CHORDC1: variants seen among roughly 807,000 people sequenced by gnomAD.
CHORDC1 encodes cysteine and histidine-rich domain-containing protein 1.
In CHORDC1, 25 loss-of-function variants were observed where a neutral mutation model predicts 48.3. The ratio of observed to expected loss-of-function variants is 0.52; its 90% CI spans 0.38 to 0.72. The LOEUF is 0.72. CHORDC1 is among the 30% of genes least tolerant of loss of function. The pLI is 0.00. For missense variants in CHORDC1, 317 were observed against 388.7 expected, an observed-to-expected ratio of 0.82 and a Z score of 1.55; for synonymous variants, 128 against 126.4, an observed-to-expected ratio of 1.01 and a Z score of -0.09.
At chr11:90,215,363 CAT>C in intron 2 of CHORDC1, 133 bp from the exon 3 acceptor site, 1 of 475,172 alleles carries the variant, frequency 2.1e-6, no homozygotes. Flanking sequence ...TTCAGTGTTG[CAT>C]ATAATTCACC....
At chr11:90,205,066 T>A (rs950011986) in intron 8 of CHORDC1, among the ~76,000 whole-genome samples, 2 of 151,708 alleles carry the variant, frequency 1.3e-5, no homozygotes. Flanking sequence ...CTGTAAATGA[T>A]TGAAGTTTTA....
In CHORDC1 at chr11:90,202,187, C is replaced by A. The variant is rs368474747; in HGVS notation, c.*218G>T. The A allele has an allele frequency of 1.9e-6, 1 of 525,860 alleles. No individual in the cohort carries two copies. Among genetic ancestry groups the A allele is most frequent in the African/African-American group, 1.9e-5 (1 of 51,496 alleles). The allele number at this position is 525,860 out of a possible 1,614,324, so 32.6% of individuals were successfully genotyped here. ...TATAGGACACAACTATGGTTCCTACCAGTAGGGAGAAATGAATAATCAATC... is the reference window on the plus strand; with the variant it reads ...TATAGGACACAACTATGGTTCCTACAAGTAGGGAGAAATGAATAATCAATC... On this transcript the variant is annotated 3_prime_UTR_variant, in exon 11 of 11. Coordinates refer to ENST00000320585, the MANE Select transcript of CHORDC1 (RefSeq NM_012124.3).
intron 2 of CHORDC1, chr11:90,216,544 A>G: frequency 2.3e-6 from 1 of 443,940 alleles, no homozygotes; most frequent in Non-Finnish European, 4.5e-6. Flanking sequence ...TAATCTTGGA[A>G]AGTCTAGGAC....
At chr11:90,205,912 C>T (rs1857668034) in intron 7 of CHORDC1, 1 of 468,132 alleles carries the variant, frequency 2.1e-6, no homozygotes, top group African/African-American at 2.0e-5. Flanking sequence ...GACAGTCCTT[C>T]AAACAAAACA....
At chr11:90,214,210 AT>A in intron 3 of CHORDC1, 35 bp from the exon 4 acceptor site, 1 of 1,430,422 alleles carries the variant, frequency 7.0e-7, no homozygotes, top group Non-Finnish European at 9.4e-7. Flanking sequence ...AGAGCTATCT[AT>A]TTTACATTTC....
At chr11:90,203,209 C>A in intron 9 of CHORDC1, 99 bp downstream of exon 9, 1 of 1,159,352 alleles carries the variant, frequency 8.6e-7, no homozygotes, top group East Asian at 2.4e-5. Context: ...AAATCTTACC[C>A]CCAAATCAGC....
chr11:90,213,333 CCAAAA>C, intron 4 of CHORDC1: 1 of 548,860 alleles, frequency 1.8e-6, no homozygotes, highest in Non-Finnish European at 3.2e-6. Context: ...CTACTTGCAG[CCAAAA>C]AAAAAAAAAA....
At chr11:90,209,332 A>G (rs1216482605) in intron 6 of CHORDC1, 1 of 152,216 alleles carries the variant, frequency 6.6e-6, no homozygotes, top group Non-Finnish European at 1.5e-5. Flanking sequence ...TCCTGCTAAT[A>G]CAGGCAGATG....
At chr11:90,213,880 G>A in intron 4 of CHORDC1, 138 bp downstream of exon 4, 1 of 689,556 alleles carries the variant, frequency 1.5e-6, no homozygotes, top group Non-Finnish European at 2.4e-6. Flanking sequence ...GCAGATTTAA[G>A]GGAGAAACCA....
At chr11:90,205,408 A>T in intron 8 of CHORDC1, 52 bp downstream of exon 8, 2 of 1,072,924 alleles carry the variant, frequency 1.9e-6, no homozygotes, top group South Asian at 2.7e-5. Flanking sequence ...TCTTTAAAAA[A>T]TGACTCAGAT....
intron 6 of CHORDC1, chr11:90,206,875 A>G (rs746309985): frequency 2.4e-5 from 17 of 718,652 alleles, no homozygotes; most frequent in African/African-American, 9.4e-5. Context: ...TATATTTTCT[A>G]TTTTTGTATT....
chr11:90,202,606 A>AG, intron 10 of CHORDC1, 55 bp from the exon 11 acceptor site: 1 of 1,577,430 alleles, frequency 6.3e-7, no homozygotes. Flanking sequence ...TTAGTCTCAG[A>AG]GGAAAACATC....
rs1857519916 is a variant in CHORDC1 at position 90,200,485 on chromosome 11, G to C, written c.*1920C>G. The stretch of plus-strand genomic sequence containing the variant: ...TATTAACTTTTTTGACAAACCGATA[G>C]TAAAACATATGCTACCTAACGATAA... On this transcript the variant is annotated 3_prime_UTR_variant, in exon 11 of 11. Transcript: ENST00000320585. Among the ~76,000 whole-genome samples the C allele has an allele frequency of 6.6e-6, 1 of 151,858 alleles. No individual in the cohort carries two copies. The highest frequency in any genetic ancestry group is 1.5e-5 in the Non-Finnish European group (1 of 67,844).
intron 6 of CHORDC1, chr11:90,206,758 A>ATC (rs906996504): frequency 1.8e-4 from 232 of 1,285,210 alleles, no homozygotes; most frequent in Non-Finnish European, 2.3e-4. Context: ...CTATATATAT[A>ATC]TCCAGGGTTT....
At chr11:90,222,768 G>T in intron 1 of CHORDC1, 123 bp downstream of exon 1, 1 of 879,598 alleles carries the variant, frequency 1.1e-6, no homozygotes, top group South Asian at 1.4e-5. Flanking sequence ...AGGCCCAGGA[G>T]GGGCATGGAC....
intron 4 of CHORDC1, chr11:90,212,232 T>A (rs1245241506): frequency 6.6e-6 from 1 of 152,168 alleles, no homozygotes; most frequent in Admixed American, 6.5e-5. Flanking sequence ...GGGAGGTAAC[T>A]GGATCATGGG....
intron 6 of CHORDC1, chr11:90,207,761 C>CAAAAAAAAAAAAAAAAA (rs71055890): frequency 5.7e-5 from 3 of 52,718 alleles, no homozygotes; most frequent in Non-Finnish European, 1.1e-4. Flanking sequence ...GGTTAAAATA[C>CAAAAAAAAAAAAAAAAA]AAAAAAAAAA....
At chr11:90,202,640 C>A in intron 10 of CHORDC1, 89 bp from the exon 11 acceptor site, 1 of 1,474,472 alleles carries the variant, frequency 6.8e-7, no homozygotes, top group Non-Finnish European at 9.2e-7. Context: ...CCAATAATCC[C>A]AAATCCAAGC....
chr11:90,201,576 G>C lies in CHORDC1; in HGVS notation c.*829C>G, dbSNP rs1857544739. The C allele has an allele frequency of 6.6e-6, 1 of 152,344 alleles. No individual in the cohort carries two copies. Among genetic ancestry groups the C allele is most frequent in the South Asian group, 2.1e-4 (1 of 4,816 alleles). The allele number at this position is 152,344 out of a possible 1,614,324, so 9.4% of individuals were successfully genotyped here. A position where few individuals can be genotyped will look rare whatever the true frequency, so the allele number is the denominator to read the frequency against. ...CAATTTTATATAGTTTTCCATCAGGGAGGCAAGATATATATAATTTCTTTT... is the reference window on the plus strand; with the variant it reads ...CAATTTTATATAGTTTTCCATCAGGCAGGCAAGATATATATAATTTCTTTT... On this transcript the variant is annotated 3_prime_UTR_variant, in exon 11 of 11. Coordinates refer to ENST00000320585, the MANE Select transcript of CHORDC1 (RefSeq NM_012124.3).
Sources: allele counts gnomAD v4.1 joint callset (sites outside exome capture counted in the v4.1 genomes callset), GRCh38; gene constraint gnomAD v4.1.1; transcripts MANE v1.5; gene names NCBI Gene and HGNC (gene_info 2026-07-23, HGNC 2026-07-21).